IL13: variants seen among roughly 807,000 people sequenced by gnomAD.
IL13 encodes interleukin 13.
Under a neutral mutation model 11.1 loss-of-function variants are expected in IL13, and 9 were observed. That is an observed-to-expected ratio of 0.81 (90% CI 0.49 to 1.42). The LOEUF is 1.42. Ranked by LOEUF, IL13 falls within the 40% of genes most tolerant of loss-of-function variation. The probability of loss-of-function intolerance (pLI) is 0.00; values close to 1 mark genes in which losing one functional copy is unlikely to be tolerated. For synonymous variants in IL13, 75 were observed against 76.9 expected (o/e 0.97, Z 0.13); for missense variants, 181 against 182.5 (o/e 0.99, Z 0.05).
At position 132,659,934 on chromosome 5, in the gene IL13, G is replaced by A; in HGVS notation, c.333+106G>A. On this transcript the variant is annotated intron_variant, in intron 3 of 3. Transcript: ENST00000304506. The surrounding 1 kb of genome is among the most constrained non-coding windows in gnomAD (Gnocchi z 4.1). ...ATATCCATGGTGTGTGTCCACCCAG[G>A]GGTGGGGCCATTGTGGCAGCAGGGA... 6.6e-7 allele frequency: 1 copy of A among 1,504,578 alleles called. No individual in the cohort carries two copies. Among genetic ancestry groups the A allele is most frequent in the Non-Finnish European group, 8.9e-7 (1 of 1,125,318 alleles). 93.2% of individuals were successfully genotyped at this position (1,504,578 alleles called of 1,614,324 possible). A position where few individuals can be genotyped will look rare whatever the true frequency, so the allele number is the denominator to read the frequency against.
Position 132,660,383 on chromosome 5 carries a change from G to A in IL13, c.*101G>A. ...CAAAAATGTCTTGGGTAGGCGGGAA[G>A]GAGGGTTAGGGAGGGGTAAAATTCC... On this transcript the variant is annotated 3_prime_UTR_variant, in exon 4 of 4. Transcript: ENST00000304506. 6.8e-7 allele frequency: 1 copy of A among 1,477,046 alleles called. No individual in the cohort carries two copies. The highest frequency in any genetic ancestry group is 1.3e-5 in the South Asian group (1 of 74,344). 91.5% of individuals were successfully genotyped at this position (1,477,046 alleles called of 1,614,324 possible).
chr5:132,656,652 C>G (rs1197170667), upstream of IL13: 1 of 152,780 alleles, frequency 6.5e-6, no homozygotes, highest in Non-Finnish European at 1.5e-5. Flanking sequence ...CTCCTTCCCC[C>G]ATCACGGAGA....
intron 1 of IL13, chr5:132,658,659 A>G: frequency 2.9e-6 from 1 of 342,828 alleles, no homozygotes; most frequent in Admixed American, 4.4e-5. Flanking sequence ...GACAGCAGAG[A>G]AGGGCCAGCA....
In IL13 at chr5:132,659,613, G is replaced by C. The variant is rs552473475; in HGVS notation, c.229-111G>C. The C allele has an allele frequency of 5.7e-6, 9 of 1,586,080 alleles. No homozygotes were observed. Among genetic ancestry groups the C allele is most frequent in the African/African-American group, 1.3e-5 (1 of 74,162 alleles). On this transcript the variant is annotated intron_variant, in intron 2 of 3. Coordinates refer to ENST00000304506, the MANE Select transcript of IL13 (RefSeq NM_002188.3). The surrounding 1 kb of genome is among the most constrained non-coding windows in gnomAD (Gnocchi z 4.1). Reference sequence around the variant, plus strand: ...TCCCGCCATAATCTGGCCCCTTCCCGCCCACCACCCAGACTCACCTGCGCC... The same window carrying C: ...TCCCGCCATAATCTGGCCCCTTCCCCCCCACCACCCAGACTCACCTGCGCC...
upstream of IL13, among the ~76,000 whole-genome samples, chr5:132,657,753 T>C (rs1288272145): frequency 6.6e-6 from 1 of 152,208 alleles, no homozygotes; most frequent in Non-Finnish European, 1.5e-5. Flanking sequence ...CAAATTCCCA[T>C]AGCTGGTAGA....
chr5:132,659,542 C>CCTT lies in IL13; in HGVS notation c.228+73_228+75dup. 6.4e-7 allele frequency: 1 copy of CCTT among 1,555,954 alleles called. No homozygotes were observed. The highest frequency in any genetic ancestry group is 1.4e-5 in the African/African-American group (1 of 74,058). ...CTTGGGCTTATCTTCTCTGAGCCTC[C>CCTT]CTTCCATGGCTGGGGTTCCAAGCAA... On this transcript the variant is annotated intron_variant, in intron 2 of 3. Coordinates refer to ENST00000304506, the MANE Select transcript of IL13 (RefSeq NM_002188.3). The surrounding 1 kb of genome is among the most constrained non-coding windows in gnomAD (Gnocchi z 4.1).
At position 132,660,545 on chromosome 5, in the gene IL13, C is replaced by T. The variant is rs1263174459; in HGVS notation, c.*263C>T. On this transcript the variant is annotated 3_prime_UTR_variant, in exon 4 of 4. Transcript: ENST00000304506. Reference sequence around the variant, plus strand: ...TGGACCCAGGGATGACATGTCCCTACACCCCTCCCCTGCCCTAGAGCACAC... The same window carrying T: ...TGGACCCAGGGATGACATGTCCCTATACCCCTCCCCTGCCCTAGAGCACAC... 9.1e-6 allele frequency: 4 copies of T among 441,112 alleles called. No homozygotes were observed. Among genetic ancestry groups the T allele is most frequent in the South Asian group, 2.3e-5 (1 of 42,908 alleles). 27.3% of individuals were successfully genotyped at this position (441,112 alleles called of 1,614,324 possible).
At position 132,660,451 on chromosome 5, in the gene IL13, C is replaced by T. The variant is rs1430752383; in HGVS notation, c.*169C>T. On this transcript the variant is annotated 3_prime_UTR_variant, in exon 4 of 4. Transcript: ENST00000304506. ...CTGTGCTGCCCGTCTTCAGCCTAGC[C>T]GACCTCAGCCTTCCCCTTGCCCAGG... 3.5e-5 allele frequency: 41 copies of T among 1,182,718 alleles called. No individual in the cohort carries two copies. The highest frequency in any genetic ancestry group is 6.2e-5 in the African/African-American group (4 of 64,570). 73.3% of individuals were successfully genotyped at this position (1,182,718 alleles called of 1,614,324 possible).
Position 132,659,118 on chromosome 5 carries a change from T to C in IL13, c.175-300T>C, listed in dbSNP as rs1402794926. 5.1e-6 allele frequency: 2 copies of C among 389,466 alleles called. No individual in the cohort carries two copies. The highest frequency in any genetic ancestry group is 3.6e-5 in the Admixed American group (1 of 27,988). 24.1% of individuals were successfully genotyped at this position (389,466 alleles called of 1,614,324 possible). A position where few individuals can be genotyped will look rare whatever the true frequency, so the allele number is the denominator to read the frequency against. ...CTTCACTCGTCCCCACCCTGGCCCT[T>C]CCCGCAGGCCCCTGTCCTCCTGCCC... On this transcript the variant is annotated intron_variant, in intron 1 of 3. Transcript: ENST00000304506. This position sits in a 1 kb window ranked among gnomAD's most constrained non-coding sequence, Gnocchi z 4.1.
upstream of IL13, chr5:132,657,295 A>G (rs1752056010): frequency 1.3e-5 from 2 of 152,388 alleles, no homozygotes; most frequent in African/African-American, 4.8e-5. Context: ...AACACTTACA[A>G]TCTCTGACCT....
chr5:132,659,279 C>A lies in IL13; in HGVS notation c.175-139C>A. On this transcript the variant is annotated intron_variant, in intron 1 of 3. Transcript: ENST00000304506. The surrounding 1 kb of genome is among the most constrained non-coding windows in gnomAD (Gnocchi z 4.1). The stretch of plus-strand genomic sequence containing the variant: ...AAGCAGAAAACGAAGCTCAGGAATG[C>A]TGAGGGGCTGCCAGGCCTGCCTCTG... The A allele has an allele frequency of 1.5e-6, 1 of 689,438 alleles. No homozygotes were observed. Among genetic ancestry groups the A allele is most frequent in the Non-Finnish European group, 2.7e-6 (1 of 372,336 alleles). The allele number at this position is 689,438 out of a possible 1,614,324, so 42.7% of individuals were successfully genotyped here. A position where few individuals can be genotyped will look rare whatever the true frequency, so the allele number is the denominator to read the frequency against.
upstream of IL13, among the ~76,000 whole-genome samples, chr5:132,657,972 CT>C (rs1752071012): frequency 6.6e-6 from 1 of 152,244 alleles, no homozygotes; most frequent in Non-Finnish European, 1.5e-5. Context: ...CCACCCAGAT[CT>C]TGGAAACTCT....
rs1752149755 is a variant in IL13 at position 132,661,051 on chromosome 5, T to C, written c.*769T>C. The stretch of plus-strand genomic sequence containing the variant: ...ACCTTGAACACTGGGGGAGGGGACA[T>C]TGAACAAGTTGTTTCATTGACTATC... On this transcript the variant is annotated 3_prime_UTR_variant, in exon 4 of 4. Coordinates refer to ENST00000304506, the MANE Select transcript of IL13 (RefSeq NM_002188.3). 1 of 152,422 alleles carries C rather than the reference T, an allele frequency of 6.6e-6. No homozygotes were observed. The highest frequency in any genetic ancestry group is 1.5e-5 in the Non-Finnish European group (1 of 68,068). The allele number at this position is 152,422 out of a possible 1,614,324, so 9.4% of individuals were successfully genotyped here.
At chr5:132,656,878 C>T (rs1236315429), upstream of IL13, among the ~76,000 whole-genome samples, 1 of 152,130 alleles carries the variant, frequency 6.6e-6, no homozygotes, top group African/African-American at 2.4e-5. Flanking sequence ...GTGGGCAAGC[C>T]TGGGATGCCT....
At position 132,660,450 on chromosome 5, in the gene IL13, C is replaced by T. The variant is rs1005767044; in HGVS notation, c.*168C>T. The T allele has an allele frequency of 1.7e-6, 2 of 1,183,464 alleles. No individual in the cohort carries two copies. The highest frequency in any genetic ancestry group is 3.1e-5 in the African/African-American group (2 of 64,598). The allele number at this position is 1,183,464 out of a possible 1,614,324, so 73.3% of individuals were successfully genotyped here. ...CCTGTGCTGCCCGTCTTCAGCCTAG[C>T]CGACCTCAGCCTTCCCCTTGCCCAG... On this transcript the variant is annotated 3_prime_UTR_variant, in exon 4 of 4. Coordinates refer to ENST00000304506, the MANE Select transcript of IL13 (RefSeq NM_002188.3).
chr5:132,660,316 A>T lies in IL13; in HGVS notation c.*34A>T. On this transcript the variant is annotated 3_prime_UTR_variant, in exon 4 of 4. Transcript: ENST00000304506. The stretch of plus-strand genomic sequence containing the variant: ...AAGCATCATTATTTGCAGAGACAGG[A>T]CCTGACTATTGAAGTTGCAGATTCA... The T allele has an allele frequency of 6.2e-7, 1 of 1,604,122 alleles. No individual in the cohort carries two copies. Among genetic ancestry groups the T allele is most frequent in the South Asian group, 1.1e-5 (1 of 89,326 alleles).
Position 132,659,726 on chromosome 5 carries a change from C to T in IL13, c.231C>T (p.Tyr77=). The T allele has an allele frequency of 6.2e-7, 1 of 1,613,900 alleles. No individual in the cohort carries two copies. Among genetic ancestry groups the T allele is most frequent in the Non-Finnish European group, 8.5e-7 (1 of 1,180,000 alleles). The change falls in exon 3 of 4, where the codon TAC becomes TAT. Residue 77 remains tyrosine (Y), a splice_region_variant and synonymous_variant. Transcript: ENST00000304506. The surrounding 1 kb of genome is among the most constrained non-coding windows in gnomAD (Gnocchi z 4.1). ...CCCTCGGTGTCCCCTCCCCACAGTA[C>T]TGTGCAGCCCTGGAATCCCTGATCA... ...VWSINLTAGM[Y]CAALESLINV...
In IL13 at chr5:132,659,970, G is replaced by T. The variant is rs111692618; in HGVS notation, c.333+142G>T. On this transcript the variant is annotated intron_variant, in intron 3 of 3. Transcript: ENST00000304506. The surrounding 1 kb of genome is among the most constrained non-coding windows in gnomAD (Gnocchi z 4.1). ...TTGTGGCAGCAGGGACGTGGCCTTC[G>T]GGATTTACAGGATCTGGGCTCAAGG... The T allele has an allele frequency of 6.2e-6, 9 of 1,444,662 alleles. No individual in the cohort carries two copies. Among genetic ancestry groups the T allele is most frequent in the African/African-American group, 4.3e-5 (3 of 70,550 alleles). The allele number at this position is 1,444,662 out of a possible 1,614,324, so 89.5% of individuals were successfully genotyped here.
In IL13 at chr5:132,660,544, A is replaced by G. The variant is rs150177673; in HGVS notation, c.*262A>G. On this transcript the variant is annotated 3_prime_UTR_variant, in exon 4 of 4. Coordinates refer to ENST00000304506, the MANE Select transcript of IL13 (RefSeq NM_002188.3). ...GTGGACCCAGGGATGACATGTCCCT[A>G]CACCCCTCCCCTGCCCTAGAGCACA... The G allele has an allele frequency of 4.1e-4, 182 of 446,516 alleles. 1 individual carries two copies. The highest frequency in any genetic ancestry group is 2.4e-3 in the East Asian group (52 of 21,690). 27.7% of individuals were successfully genotyped at this position (446,516 alleles called of 1,614,324 possible).
Sources: gnomAD v4.1 joint callset for allele counts (sites outside exome capture counted in the v4.1 genomes callset) on GRCh38, gnomAD v4.1.1 for gene constraint, Gnocchi (gnomAD v3.1) non-coding constraint, MANE v1.5 for transcripts, NCBI Gene and HGNC (gene_info 2026-07-23, HGNC 2026-07-21) for gene names.